Variants in WDR76 observed in about 807,000 individuals in gnomAD.
The protein encoded by WDR76 is WD repeat domain 76.
In WDR76, 52 loss-of-function variants were observed where a neutral mutation model predicts 70.2. That is an observed-to-expected ratio of 0.74 (90% CI 0.59 to 0.93). The LOEUF (loss-of-function observed/expected upper bound fraction) is 0.93. Among genes scored for constraint, WDR76 ranks in the 40% least tolerant of loss-of-function variants. WDR76 has a pLI of 0.00. For synonymous variants in WDR76, 292 were observed against 271.1 expected (o/e 1.08, Z -0.76); for missense variants, 756 against 760.2 (o/e 0.99, Z 0.07).
At chr15:43,862,510 T>C (rs1453883551) in intron 12 of WDR76, among the ~76,000 whole-genome samples, 2 of 145,082 alleles carry the variant, frequency 1.4e-5, no homozygotes, top group African/African-American at 2.7e-5. Context: ...TTGTTTTTTG[T>C]TTTTTTGTTT....
In WDR76 at chr15:43,843,996, A is replaced by G. The variant is rs764629214; in HGVS notation, c.974A>G (p.Glu325Gly). Reference sequence around the variant, plus strand: ...TTCTCTATGGCTCTCCATCCATCAGAAACTAGAACTTTGGTAGCAGTTGGG... The same window carrying G: ...TTCTCTATGGCTCTCCATCCATCAGGAACTAGAACTTTGGTAGCAGTTGGG... ...PIFSMALHPS[E>G]TRTLVAVGAK... is the part of the protein sequence containing the mutation. The change falls in exon 8 of 13, where the codon GAA (glutamate) becomes GGA (glycine). Residue 325 changes from glutamate to glycine, a missense_variant. Physicochemically the swap from Glu to Gly is moderately conservative, Grantham distance 98. Coordinates refer to ENST00000263795, the MANE Select transcript of WDR76 (RefSeq NM_024908.4). 2 of 1,613,842 alleles carry G rather than the reference A, an allele frequency of 1.2e-6. No homozygotes were observed. Among genetic ancestry groups the G allele is most frequent in the African/African-American group, 1.3e-5 (1 of 74,932 alleles).
chr15:43,842,695 CTTTTA>C (rs1567185877), intron 7 of WDR76, 24 bp downstream of exon 7: 1 of 1,597,128 alleles, frequency 6.3e-7, no homozygotes, highest in Admixed American at 1.7e-5. Context: ...CCTTGTGTTT[CTTTTA>C]TATTTTTTGA....
chr15:43,846,357 C>G (rs1354701027), intron 8 of WDR76, among the ~76,000 whole-genome samples: 2 of 148,748 alleles, frequency 1.3e-5, no homozygotes, highest in African/African-American at 2.4e-5. Flanking sequence ...ATGATCATAG[C>G]TCACTGCAGC....
intron 2 of WDR76, among the ~76,000 whole-genome samples, chr15:43,834,823 C>G (rs1198740870): frequency 6.6e-6 from 1 of 152,144 alleles, no homozygotes; most frequent in Non-Finnish European, 1.5e-5. Context: ...TACTTGATTT[C>G]TAATATCAGA....
intron 5 of WDR76, among the ~76,000 whole-genome samples, chr15:43,841,211 T>G (rs2087721219): frequency 2.0e-5 from 3 of 147,982 alleles, no homozygotes; most frequent in Non-Finnish European, 3.0e-5. Flanking sequence ...GTTTTTTTTT[T>G]TTTTTTTTTG....
At chr15:43,853,693 G>C (rs919895875) in intron 9 of WDR76, among the ~76,000 whole-genome samples, 1 of 151,784 alleles carries the variant, frequency 6.6e-6, no homozygotes, top group African/African-American at 2.4e-5. Context: ...ATCACCTGAG[G>C]TCAGGAATTT....
chr15:43,846,441 C>A (rs2087789678), intron 8 of WDR76, among the ~76,000 whole-genome samples: 1 of 149,032 alleles, frequency 6.7e-6, no homozygotes, highest in Admixed American at 6.7e-5. Flanking sequence ...TGTGCCACCA[C>A]ACCTGGCTAA....
At chr15:43,830,366 C>G (rs970293948) in intron 2 of WDR76, among the ~76,000 whole-genome samples, 1 of 151,846 alleles carries the variant, frequency 6.6e-6, no homozygotes, top group African/African-American at 2.4e-5. Flanking sequence ...AGTTTGAGAC[C>G]AGCCTGACCA....
At chr15:43,831,705 G>A (rs960674296) in intron 2 of WDR76, among the ~76,000 whole-genome samples, 4 of 152,124 alleles carry the variant, frequency 2.6e-5, no homozygotes, top group African/African-American at 9.7e-5. Context: ...CTCTCACAGT[G>A]CTGGGATTAC....
rs1354963526 is a variant in WDR76 at position 43,868,053 on chromosome 15, GT to G, written c.*1664del. 6.6e-6 allele frequency: 1 copy of G among 152,094 alleles called. No individual in the cohort carries two copies. The highest frequency in any genetic ancestry group is 1.5e-5 in the Non-Finnish European group (1 of 68,010). The allele number at this position is 152,094 out of a possible 1,614,324, so 9.4% of individuals were successfully genotyped here. ...TTCTCTGTAATCTAAGTGTAAAAAG[GT>G]TTAGTTTTTTAATAGGTTTAGGTGT... On this transcript the variant is annotated 3_prime_UTR_variant, in exon 13 of 13. Coordinates refer to ENST00000263795, the MANE Select transcript of WDR76 (RefSeq NM_024908.4).
intron 11 of WDR76, among the ~76,000 whole-genome samples, chr15:43,859,788 G>A (rs2087973822): frequency 6.6e-6 from 1 of 152,130 alleles, no homozygotes; most frequent in African/African-American, 2.4e-5. Flanking sequence ...TTAACTATTA[G>A]TGGTTTGGCT....
Position 43,842,613 on chromosome 15 carries a change from C to T in WDR76, c.835-15C>T, listed in dbSNP as rs1182868672. On this transcript the variant is annotated splice_polypyrimidine_tract_variant and intron_variant, in intron 6 of 12. Transcript: ENST00000263795. Reference sequence around the variant, plus strand: ...ACATACTAACTTAGTTCTTTCATCTCTCCCAATGTTTCAGCCAAGTAGTAA... The same window carrying T: ...ACATACTAACTTAGTTCTTTCATCTTTCCCAATGTTTCAGCCAAGTAGTAA... 4 of 1,608,710 alleles carry T rather than the reference C, an allele frequency of 2.5e-6. No individual in the cohort carries two copies. The highest frequency in any genetic ancestry group is 2.2e-5 in the South Asian group (2 of 89,954).
At chr15:43,862,200 C>G (rs141665731) in intron 12 of WDR76, among the ~76,000 whole-genome samples, 1,511 of 148,120 alleles carry the variant, frequency 0.01, 20 homozygotes, top group Non-Finnish European at 0.016. Context: ...CTCTTTGTCA[C>G]TATTTATGAA....
chr15:43,829,798 G>T (rs2087564748), intron 2 of WDR76, among the ~76,000 whole-genome samples: 3 of 151,794 alleles, frequency 2.0e-5, no homozygotes, highest in Admixed American at 2.0e-4. Context: ...GAGCCACCGC[G>T]CCTGGCCTAG....
intron 9 of WDR76, among the ~76,000 whole-genome samples, chr15:43,854,061 A>G (rs1042936252): frequency 3.9e-5 from 6 of 152,208 alleles, no homozygotes; most frequent in East Asian, 1.9e-4. Context: ...ATAAGTGTTG[A>G]CAATGATGTG....
intron 10 of WDR76, chr15:43,857,496 C>T: frequency 1.0e-6 from 1 of 985,284 alleles, no homozygotes; most frequent in Non-Finnish European, 1.2e-6. Flanking sequence ...CCTGTGTTAA[C>T]TTTTTTCTAG....
At chr15:43,844,393 G>A (rs1438877096) in intron 8 of WDR76, among the ~76,000 whole-genome samples, 4 of 151,970 alleles carry the variant, frequency 2.6e-5, no homozygotes, top group Admixed American at 6.6e-5. Flanking sequence ...TGAGGCGGTC[G>A]GATCACCTGA....
At chr15:43,834,991 TGTA>T in intron 2 of WDR76, 67 bp from the exon 3 acceptor site, 1 of 1,245,780 alleles carries the variant, frequency 8.0e-7, no homozygotes, top group South Asian at 1.2e-5. Flanking sequence ...AAATGAAACA[TGTA>T]GTTTTGTGAA....
chr15:43,850,389 G>A (rs1448284878), intron 8 of WDR76, among the ~76,000 whole-genome samples: 4 of 151,744 alleles, frequency 2.6e-5, no homozygotes, highest in African/African-American at 7.3e-5. Context: ...TCCACCTCCC[G>A]GATTCATGCC....
Sources: gnomAD v4.1 joint callset for allele counts (sites outside exome capture counted in the v4.1 genomes callset) on GRCh38, gnomAD v4.1.1 for gene constraint, MANE v1.5 for transcripts, NCBI Gene and HGNC (gene_info 2026-07-23, HGNC 2026-07-21) for gene names.